The following KCNIP4 variants were observed in gnomAD, a reference collection of about 807,000 sequenced individuals.
KCNIP4 encodes Kv channel-interacting protein 4.
In KCNIP4, 12 loss-of-function variants were observed where a neutral mutation model predicts 34.0. That is an observed-to-expected ratio of 0.35 (90% CI 0.23 to 0.57). The LOEUF (loss-of-function observed/expected upper bound fraction) is 0.57. KCNIP4 is among the 20% of genes least tolerant of loss of function. KCNIP4 has a pLI of 0.83. For synonymous variants in KCNIP4, 124 were observed against 102.2 expected (o/e 1.21, Z -1.29); for missense variants, 238 against 311.7 (o/e 0.76, Z 1.78).
At chr4:21,263,830 T>C (rs1336829714) in intron 1 of KCNIP4, among the ~76,000 whole-genome samples, 1 of 151,898 alleles carries the variant, frequency 6.6e-6, no homozygotes, top group Non-Finnish European at 1.5e-5. Context: ...TAATTAAATT[T>C]TTTTTCTTTT....
intron 1 of KCNIP4, among the ~76,000 whole-genome samples, chr4:21,493,196 A>C (rs1305886948): frequency 6.6e-6 from 1 of 151,252 alleles, no homozygotes. Flanking sequence ...TTCCGGGCTG[A>C]CCTCTAGTAA....
intron 1 of KCNIP4, among the ~76,000 whole-genome samples, chr4:21,781,989 C>G (rs1036469132): frequency 2.6e-5 from 4 of 151,216 alleles, no homozygotes; most frequent in African/African-American, 9.7e-5. Flanking sequence ...AAATGAAATT[C>G]AAAAATGTTC....
rs556468718 is a variant in KCNIP4 at position 21,661,245 on chromosome 4, C to T, written c.61+287326G>A. Among the ~76,000 whole-genome samples the T allele has an allele frequency of 8.1e-4, 123 of 152,286 alleles. 3 individuals carry two copies. In the South Asian group the frequency reaches 0.019, roughly 24 times the overall value. ...CCTCCTTCACTCAATAAAATCCCCA[C>T]ATTCACCATTCTTCAAGTTTGTGTG... is the stretch of plus-strand genomic sequence containing the variant. On this transcript the variant is annotated intron_variant, in intron 1 of 8. Transcript: ENST00000382152.
intron 1 of KCNIP4, among the ~76,000 whole-genome samples, chr4:21,006,842 G>C (rs1310739340): frequency 1.3e-5 from 2 of 152,156 alleles, no homozygotes; most frequent in African/African-American, 4.8e-5. Flanking sequence ...GACCTAACTT[G>C]GGGTGCAGAA....
At chr4:21,519,528 A>ATATGTATGTGTATATACACATATG (rs1560479905) in intron 1 of KCNIP4, among the ~76,000 whole-genome samples, 1 of 58,912 alleles carries the variant, frequency 1.7e-5, no homozygotes, top group African/African-American at 8.5e-5. Flanking sequence ...ATATGTGTGT[A>ATATGTATGTGTATATACACATATG]TGTGTATGTG....
intron 1 of KCNIP4, among the ~76,000 whole-genome samples, chr4:21,589,746 TC>T (rs1577652275): frequency 6.6e-6 from 1 of 151,828 alleles, no homozygotes; most frequent in Admixed American, 6.6e-5. Context: ...TTAAAAACTG[TC>T]CCCCCTTCTA....
intron 1 of KCNIP4, among the ~76,000 whole-genome samples, chr4:21,247,820 T>TATACAC (rs767314805): frequency 0.055 from 5,535 of 100,804 alleles, 287 homozygotes; most frequent in South Asian, 0.15. Context: ...TATATATATA[T>TATACAC]ACACACACAC....
intron 2 of KCNIP4, among the ~76,000 whole-genome samples, chr4:20,853,151 C>G (rs1190614776): frequency 6.6e-6 from 1 of 152,076 alleles, no homozygotes; most frequent in African/African-American, 2.4e-5. Context: ...TCATGTGGAA[C>G]CAAAAAAGAG....
chr4:20,990,516 T>C (rs1226113901), intron 1 of KCNIP4, among the ~76,000 whole-genome samples: 1 of 152,208 alleles, frequency 6.6e-6, no homozygotes, highest in Non-Finnish European at 1.5e-5. Context: ...CCTTCCATCC[T>C]AAGACACTTC....
At chr4:21,604,623 T>A (rs1577678279) in intron 1 of KCNIP4, among the ~76,000 whole-genome samples, 1 of 152,222 alleles carries the variant, frequency 6.6e-6, no homozygotes, top group African/African-American at 2.4e-5. Context: ...CCCTCATTAA[T>A]CTTTTATTTC....
At chr4:21,933,982 G>A (rs2109011634) in intron 1 of KCNIP4, among the ~76,000 whole-genome samples, 1 of 152,154 alleles carries the variant, frequency 6.6e-6, no homozygotes, top group South Asian at 2.1e-4. Flanking sequence ...GCATAATATT[G>A]AAAGGATTCA....
At chr4:21,640,796 C>T in intron 1 of KCNIP4, among the ~76,000 whole-genome samples, 1 of 152,100 alleles carries the variant, frequency 6.6e-6, no homozygotes, top group East Asian at 1.9e-4. Context: ...GTCTAGGCTG[C>T]CATATAGGTG....
intron 1 of KCNIP4, among the ~76,000 whole-genome samples, chr4:21,253,275 C>A (rs973788223): frequency 6.6e-6 from 1 of 152,178 alleles, no homozygotes; most frequent in South Asian, 2.1e-4. Flanking sequence ...ATTTTTGGCT[C>A]ACCAAGCTGT....
chr4:21,368,951 C>T (rs1162617233), intron 1 of KCNIP4, among the ~76,000 whole-genome samples: 1 of 147,028 alleles, frequency 6.8e-6, no homozygotes, highest in Non-Finnish European at 1.5e-5. Flanking sequence ...TAAATCCATT[C>T]ATCCACTAAT....
chr4:21,127,945 A>T (rs1216778889), intron 1 of KCNIP4, among the ~76,000 whole-genome samples: 1 of 152,262 alleles, frequency 6.6e-6, no homozygotes, highest in Non-Finnish European at 1.5e-5. Context: ...CAATATTTAT[A>T]ACAGGTATAC....
chr4:21,880,760 C>T (rs538298740), intron 1 of KCNIP4, among the ~76,000 whole-genome samples: 1 of 152,150 alleles, frequency 6.6e-6, no homozygotes, highest in Non-Finnish European at 1.5e-5. Flanking sequence ...CAGCAAATGG[C>T]AATGCTAGAA....
At chr4:21,440,061 G>A (rs988010602) in intron 1 of KCNIP4, among the ~76,000 whole-genome samples, 1 of 152,170 alleles carries the variant, frequency 6.6e-6, no homozygotes, top group East Asian at 1.9e-4. Flanking sequence ...CTTATTCTCT[G>A]ACCCAATGAC....
chr4:20,876,250 G>A (rs1724014076), intron 2 of KCNIP4, among the ~76,000 whole-genome samples: 1 of 151,972 alleles, frequency 6.6e-6, no homozygotes, highest in Admixed American at 6.6e-5. Flanking sequence ...TCTAGTAAGT[G>A]CCTTTTTGTC....
At chr4:20,741,310 C>G (rs1429254440) in intron 5 of KCNIP4, among the ~76,000 whole-genome samples, 1 of 152,160 alleles carries the variant, frequency 6.6e-6, no homozygotes, top group Non-Finnish European at 1.5e-5. Context: ...AAATTGACCA[C>G]ATAGTTGGAA....
Sources: gnomAD v4.1 joint callset for allele counts (sites outside exome capture counted in the v4.1 genomes callset) on GRCh38, gnomAD v4.1.1 for gene constraint, MANE v1.5 for transcripts, NCBI Gene and HGNC (gene_info 2026-07-23, HGNC 2026-07-21) for gene names.